Variants in ELN observed in about 807,000 individuals in gnomAD.
ELN encodes tropoelastin.
ELN carries 65 observed loss-of-function variants against 105.8 expected under a neutral mutation model. The observed-to-expected ratio is 0.61, with a 90% CI of 0.50 to 0.75. The LOEUF is 0.75. ELN is among the 30% of genes least tolerant of loss of function. The probability of loss-of-function intolerance (pLI) is 0.00; values close to 1 mark genes in which losing one functional copy is unlikely to be tolerated. For synonymous variants in ELN, 368 were observed against 389.2 expected (o/e 0.95, Z 0.64); for missense variants, 882 against 969.4 (o/e 0.91, Z 1.20).
chr7:74,047,304 G>T (rs537185710), intron 12 of ELN, among the ~76,000 whole-genome samples: 2 of 152,238 alleles, frequency 1.3e-5, no homozygotes, highest in East Asian at 3.9e-4. Flanking sequence ...CTATTAGGCT[G>T]GTGGAAAGGA....
intron 2 of ELN, 141 bp from the exon 3 acceptor site, chr7:74,036,413 GA>G: frequency 3.6e-6 from 4 of 1,097,478 alleles, no homozygotes; most frequent in Non-Finnish European, 5.4e-6. Context: ...AAGCAGAAGA[GA>G]AAACCGAGGC....
chr7:74,046,705 C>A lies in ELN; in HGVS notation c.581C>A (p.Pro194His), dbSNP rs1554672436. 5 of 1,614,064 alleles carry A rather than the reference C, an allele frequency of 3.1e-6. No individual in the cohort carries two copies. The highest frequency in any genetic ancestry group is 4.2e-6 in the Non-Finnish European group (5 of 1,180,030). ...CTCTTTATTCCCACAGGAGTTGGAC[C>A]CTTTGGGGGACCGCAACCTGGAGTC... The part of the protein sequence containing the change: ...GAFAGIPGVG[P>H]FGGPQPGVPL... The change falls in exon 12 of 33, where the codon CCC (proline) becomes CAC (histidine). Residue 194 changes from proline to histidine, a missense_variant. Pro to His is a moderately conservative substitution (Grantham distance 77, BLOSUM62 -2). Coordinates refer to ENST00000252034, the MANE Select transcript of ELN (RefSeq NM_000501.4).
chr7:74,028,416 A>G, intron 1 of ELN, 147 bp downstream of exon 1: 1 of 920,272 alleles, frequency 1.1e-6, no homozygotes, highest in South Asian at 1.5e-5. Context: ...GGTCCTCGGA[A>G]CTGCCCCTCC....
Position 74,065,925 on chromosome 7 carries a change from C to A in ELN, c.2033-19C>A. ...CCCGATGGGGGTGTCTTATCCTGACCCCACCTGCCTCTTCTCAGGTGCTGC... is the reference window on the plus strand; with the variant it reads ...CCCGATGGGGGTGTCTTATCCTGACACCACCTGCCTCTTCTCAGGTGCTGC... On this transcript the variant is annotated intron_variant, in intron 30 of 32. Coordinates refer to ENST00000252034, the MANE Select transcript of ELN (RefSeq NM_000501.4). 1 of 1,614,146 alleles carries A rather than the reference C, an allele frequency of 6.2e-7. No individual in the cohort carries two copies. The highest frequency in any genetic ancestry group is 8.5e-7 in the Non-Finnish European group (1 of 1,180,014).
chr7:74,068,417 T>A (rs1027088847), intron 32 of ELN, among the ~76,000 whole-genome samples: 1 of 152,214 alleles, frequency 6.6e-6, no homozygotes, highest in Non-Finnish European at 1.5e-5. Context: ...CCAGGCCCCA[T>A]GACCTGCCCC....
At chr7:74,036,897 T>G (rs1790084858) in intron 3 of ELN, among the ~76,000 whole-genome samples, 1 of 152,142 alleles carries the variant, frequency 6.6e-6, no homozygotes, top group Non-Finnish European at 1.5e-5. Flanking sequence ...CTCAGCTCAC[T>G]GCAGCATCTG....
intron 1 of ELN, among the ~76,000 whole-genome samples, chr7:74,031,747 G>A (rs1030274042): frequency 5.3e-5 from 8 of 151,204 alleles, no homozygotes; most frequent in East Asian, 3.9e-4. Flanking sequence ...GAAGGCCCCC[G>A]TCTCTATTTA....
chr7:74,050,364 T>TCCATCCATTTAC (rs1554675343), intron 15 of ELN, among the ~76,000 whole-genome samples: 1 of 151,300 alleles, frequency 6.6e-6, no homozygotes, highest in Non-Finnish European at 1.5e-5. Flanking sequence ...CACTCATCCA[T>TCCATCCATTTAC]CCATCCATTT....
chr7:74,051,704 AG>A, intron 15 of ELN, 45 bp from the exon 16 acceptor site: 1 of 1,609,154 alleles, frequency 6.2e-7, no homozygotes, highest in Non-Finnish European at 8.5e-7. Context: ...GCCTGTCCTC[AG>A]GAGGGTCCTT....
At chr7:74,068,281 G>A (rs1798419553) in intron 32 of ELN, among the ~76,000 whole-genome samples, 1 of 152,130 alleles carries the variant, frequency 6.6e-6, no homozygotes, top group Non-Finnish European at 1.5e-5. Context: ...TGAGAGGGCC[G>A]TCTCCTGCAG....
intron 2 of ELN, chr7:74,035,798 G>A (rs1554665222): frequency 2.9e-6 from 1 of 340,340 alleles, no homozygotes; most frequent in African/African-American, 2.1e-5. Flanking sequence ...AATTAGCTGG[G>A]CATAGTGGTG....
chr7:74,042,994 T>C lies in ELN; in HGVS notation c.336T>C (p.Leu112=). The C allele has an allele frequency of 6.2e-7, 1 of 1,614,034 alleles. No individual in the cohort carries two copies. The highest frequency in any genetic ancestry group is 8.5e-7 in the Non-Finnish European group (1 of 1,179,990). Residue 112 remains leucine, a synonymous_variant, in exon 7 of 33, where the codon CTT becomes CTC. Transcript: ENST00000252034. ...AYKAAKAGAG[L]GGVPGVGGLG... is the part of the protein sequence containing the mutation. The stretch of plus-strand genomic sequence containing the variant: ...GTCCTGGCTCTGCAGGCGCTGGGCT[T>C]GGTGGTGTCCCAGGAGTTGGTGGCT...
At chr7:74,041,298 C>G in intron 5 of ELN, 47 bp downstream of exon 5, 1 of 1,611,418 alleles carries the variant, frequency 6.2e-7, no homozygotes, top group Non-Finnish European at 8.5e-7. Flanking sequence ...GGACCAGCCC[C>G]TGAGCTCAAC....
rs144543639 is a variant in ELN at position 74,031,160 on chromosome 7, G to A, written c.82+2891G>A. 3.7e-3 allele frequency among the ~76,000 whole-genome samples: 567 copies of A among 152,328 alleles called. 4 individuals carry two copies. Among genetic ancestry groups the A allele is most frequent in the African/African-American group, 0.013 (540 of 41,562 alleles). On this transcript the variant is annotated intron_variant, in intron 1 of 32. Transcript: ENST00000252034. ...CTTTGAACCTGGAGCCCAGGGCCCA[G>A]GCAAATGGCCCTACATGTGACTTGG...
intron 15 of ELN, among the ~76,000 whole-genome samples, chr7:74,050,889 G>C (rs1318598079): frequency 6.6e-6 from 1 of 152,200 alleles, no homozygotes; most frequent in East Asian, 1.9e-4. Flanking sequence ...AAACAGGAAA[G>C]AGGAGGCCAA....
intron 1 of ELN, among the ~76,000 whole-genome samples, chr7:74,033,984 A>G (rs1789311412): frequency 6.6e-6 from 1 of 152,162 alleles, no homozygotes; most frequent in Admixed American, 6.5e-5. Flanking sequence ...CCAGCATCAC[A>G]GCGTTCCCCA....
chr7:74,050,757 G>C (rs921554459), intron 15 of ELN, among the ~76,000 whole-genome samples: 13 of 152,264 alleles, frequency 8.5e-5, no homozygotes, highest in African/African-American at 2.4e-4. Context: ...TATAGCCACT[G>C]TTGTGGGAGT....
chr7:74,055,506 G>A (rs1367540243), intron 19 of ELN, among the ~76,000 whole-genome samples: 1 of 151,100 alleles, frequency 6.6e-6, no homozygotes, highest in Non-Finnish European at 1.5e-5. Flanking sequence ...CTGAGATAGA[G>A]TCTCACTCTG....
chr7:74,055,940 C>T (rs1795134381), intron 19 of ELN, among the ~76,000 whole-genome samples: 2 of 151,974 alleles, frequency 1.3e-5, no homozygotes, highest in African/African-American at 2.4e-5. Context: ...GTGCCCGCCA[C>T]CACGCCCGGC....
Sources: gnomAD v4.1 joint callset for allele counts (sites outside exome capture counted in the v4.1 genomes callset) on GRCh38, gnomAD v4.1.1 for gene constraint, MANE v1.5 for transcripts, NCBI Gene and HGNC (gene_info 2026-07-23, HGNC 2026-07-21) for gene names.